The following EFCAB8 variants were observed in gnomAD, a reference collection of about 807,000 sequenced individuals.
EFCAB8 encodes EF-hand calcium binding domain 8.
In EFCAB8, 100 loss-of-function variants were observed where a neutral mutation model predicts 116.3. The ratio of observed to expected loss-of-function variants is 0.86; its 90% CI spans 0.73 to 1.02. The LOEUF is 1.02. Among genes scored for constraint, EFCAB8 ranks in the 50% least tolerant of loss-of-function variants. The pLI is 0.00. For synonymous variants in EFCAB8, 558 were observed against 567.9 expected (o/e 0.98, Z 0.25); for missense variants, 1,320 against 1,416.9 (o/e 0.93, Z 1.10).
At chr20:32,907,044 C>T in intron 13 of EFCAB8, 50 bp downstream of exon 13, 1 of 1,467,602 alleles carries the variant, frequency 6.8e-7, no homozygotes, top group Non-Finnish European at 9.0e-7. Flanking sequence ...GGGAAACACA[C>T]TGGCCAGAGA....
chr20:32,868,296 A>G (rs1380839488), intron 3 of EFCAB8, among the ~76,000 whole-genome samples: 2 of 152,212 alleles, frequency 1.3e-5, no homozygotes, highest in African/African-American at 4.8e-5. Context: ...TCCTGGGCTC[A>G]AGCAGCGCCT....
chr20:32,958,829 C>G (rs560425571), intron 24 of EFCAB8, among the ~76,000 whole-genome samples: 7 of 152,230 alleles, frequency 4.6e-5, no homozygotes, highest in Non-Finnish European at 7.3e-5. Context: ...GGCCCTGTCC[C>G]CCAGCCAGGC....
At chr20:32,938,940 C>T (rs1600451631) in intron 22 of EFCAB8, among the ~76,000 whole-genome samples, 1 of 145,508 alleles carries the variant, frequency 6.9e-6, no homozygotes, top group Non-Finnish European at 1.5e-5. Flanking sequence ...TCTTCCTTCC[C>T]TCCCTCCCTT....
chr20:32,960,094 C>A lies in EFCAB8; in HGVS notation c.3326C>A (p.Pro1109His). ...VSKVLGAAYK[P>H]KERLQNTRFL... ...AAAGTCTTGGGAGCGGCGTATAAGC[C>A]CAAGGAACGCTTGCAGAATACCAGG... The change falls in exon 26 of 27, where the codon CCC becomes CAC. Residue 1109 changes from proline (P) to histidine (H), a missense_variant. Coordinates refer to ENST00000400522, the MANE Select transcript of EFCAB8 (RefSeq NM_001143967.2). 3.9e-6 allele frequency: 6 copies of A among 1,551,676 alleles called. No individual in the cohort carries two copies. The highest frequency in any genetic ancestry group is 4.4e-6 in the Non-Finnish European group (5 of 1,146,988).
intron 3 of EFCAB8, 86 bp from the exon 4 acceptor site, chr20:32,875,840 C>T: frequency 1.6e-6 from 2 of 1,220,836 alleles, no homozygotes; most frequent in Non-Finnish European, 2.3e-6. Flanking sequence ...TCCCCCTCAG[C>T]ACCCAGACAC....
intron 7 of EFCAB8, among the ~76,000 whole-genome samples, chr20:32,890,559 C>T (rs1328833940): frequency 1.3e-5 from 2 of 152,174 alleles, no homozygotes; most frequent in Non-Finnish European, 2.9e-5. Flanking sequence ...TCTGGATGCT[C>T]GATGACTATT....
chr20:32,941,455 A>G lies in EFCAB8; in HGVS notation c.2791-2181A>G, dbSNP rs181181941. Among the ~76,000 whole-genome samples, 6 of 149,842 alleles carry G rather than the reference A, an allele frequency of 4.0e-5. 1 individual carries two copies. Among genetic ancestry groups the G allele is most frequent in the African/African-American group, 1.5e-4 (6 of 40,400 alleles). On this transcript the variant is annotated intron_variant, in intron 22 of 26. Transcript: ENST00000400522. ...TTTATAGTAGCATTATTTATAATAC[A>G]AAAGTGGAAACAACCCAAATGTCAA... is the stretch of plus-strand genomic sequence containing the variant.
intron 1 of EFCAB8, among the ~76,000 whole-genome samples, chr20:32,860,408 A>C (rs1457398136): frequency 6.6e-6 from 1 of 151,568 alleles, no homozygotes; most frequent in Admixed American, 6.6e-5. Context: ...TTTGGCAATA[A>C]TACTACTGAA....
intron 2 of EFCAB8, 96 bp downstream of exon 2, chr20:32,863,930 T>C: frequency 7.2e-7 from 1 of 1,385,440 alleles, no homozygotes; most frequent in Non-Finnish European, 9.8e-7. Context: ...TGTTTCTGCA[T>C]CGGGGAGGGG....
chr20:32,916,029 C>A (rs911919217), intron 17 of EFCAB8, among the ~76,000 whole-genome samples: 1 of 152,136 alleles, frequency 6.6e-6, no homozygotes, highest in African/African-American at 2.4e-5. Context: ...TACAATAACA[C>A]CCCACTCCTG....
At chr20:32,913,900 T>C (rs946685466) in intron 17 of EFCAB8, among the ~76,000 whole-genome samples, 5 of 152,222 alleles carry the variant, frequency 3.3e-5, no homozygotes, top group Non-Finnish European at 7.3e-5. Flanking sequence ...CCTGCTGGGG[T>C]GGCAATTCTG....
At chr20:32,881,416 C>T (rs1054900654) in intron 5 of EFCAB8, among the ~76,000 whole-genome samples, 2 of 152,092 alleles carry the variant, frequency 1.3e-5, no homozygotes, top group Non-Finnish European at 1.5e-5. Context: ...AGGCTGGTCT[C>T]GAACTCCTGA....
intron 1 of EFCAB8, among the ~76,000 whole-genome samples, chr20:32,859,303 G>A (rs1486460827): frequency 6.6e-6 from 1 of 152,172 alleles, no homozygotes; most frequent in African/African-American, 2.4e-5. Context: ...CAACTTTAGG[G>A]AATAGATTGA....
chr20:32,937,483 T>C (rs1425633720), intron 22 of EFCAB8, among the ~76,000 whole-genome samples: 1 of 152,108 alleles, frequency 6.6e-6, no homozygotes, highest in African/African-American at 2.4e-5. Context: ...GCTGACTTAA[T>C]AAGAAATAGA....
In EFCAB8 at chr20:32,918,585, G is replaced by A; in HGVS notation, c.2274+11G>A. 1 of 1,551,156 alleles carries A rather than the reference G, an allele frequency of 6.4e-7. No homozygotes were observed. The highest frequency in any genetic ancestry group is 8.7e-7 in the Non-Finnish European group (1 of 1,146,792). ...CCTGTGCCCCAGCAGGTGGGAGCGAGAGCCCAACCAGAAGGCTACCCTCAC... is the reference window on the plus strand; with the variant it reads ...CCTGTGCCCCAGCAGGTGGGAGCGAAAGCCCAACCAGAAGGCTACCCTCAC... On this transcript the variant is annotated intron_variant, in intron 19 of 26. Transcript: ENST00000400522.
chr20:32,906,043 G>A (rs1986660228), intron 11 of EFCAB8, among the ~76,000 whole-genome samples: 1 of 152,054 alleles, frequency 6.6e-6, no homozygotes, highest in Admixed American at 6.6e-5. Flanking sequence ...CTATTCTTGG[G>A]CATTGTATGA....
intron 5 of EFCAB8, among the ~76,000 whole-genome samples, chr20:32,885,160 T>C (rs2146201640): frequency 6.6e-6 from 1 of 152,330 alleles, no homozygotes; most frequent in East Asian, 1.9e-4. Flanking sequence ...TTTCCTATGA[T>C]AGAAGCTTTG....
At position 32,878,805 on chromosome 20, in the gene EFCAB8, C is replaced by A. The variant is rs1985152661; in HGVS notation, c.429C>A (p.Pro143=). The A allele has an allele frequency of 6.4e-7, 1 of 1,551,954 alleles. No homozygotes were observed. The highest frequency in any genetic ancestry group is 1.4e-5 in the African/African-American group (1 of 73,028). The change falls in exon 5 of 27, where the codon CCC becomes CCA. Residue 143 remains proline (P), a splice_region_variant and synonymous_variant. Transcript: ENST00000400522. The part of the protein sequence containing the change: ...LHFYLPMTVV[P]LNHGCEVVKV... ...TCTACCTTCCCATGACGGTCGTCCC[C>A]CTGTAAGGAGCCTCTTCCTGGGCCT...
In EFCAB8 at chr20:32,875,502, G is replaced by GTTTTTTTTTTTTTTTTTTTTTTTTTTT. The variant is rs57620114; in HGVS notation, c.209-406_209-405insTTTTTTTTTTTTTTTTTTTTTTTTTTT. Among the ~76,000 whole-genome samples, 59 of 89,878 alleles carry GTTTTTTTTTTTTTTTTTTTTTTTTTTT rather than the reference G, an allele frequency of 6.6e-4. 9 individuals carry two copies. The highest frequency in any genetic ancestry group is 1.2e-3 in the Non-Finnish European group (46 of 38,726). The allele number at this position is 89,878 out of a possible 152,430, so 59.0% of individuals were successfully genotyped here. ...CTGAGCACACCTGGTAAACATGGTG[G>GTTTTTTTTTTTTTTTTTTTTTTTTTTT]TTTTTTTTTTTTTTTTTTGAGACAG... On this transcript the variant is annotated intron_variant, in intron 3 of 26. Transcript: ENST00000400522.
Sources: allele counts gnomAD v4.1 joint callset (sites outside exome capture counted in the v4.1 genomes callset), GRCh38; gene constraint gnomAD v4.1.1; transcripts MANE v1.5; gene names NCBI Gene and HGNC (gene_info 2026-07-23, HGNC 2026-07-21).